The following PRKN variants were observed in gnomAD, a reference collection of about 807,000 sequenced individuals.
The protein encoded by PRKN is parkin RBR E3 ubiquitin protein ligase, also known as E3 ubiquitin-protein ligase parkin.
Under a neutral mutation model 59.5 loss-of-function variants are expected in PRKN, and 56 were observed. The observed-to-expected ratio is 0.94, with a 90% confidence interval of 0.76 to 1.18. The LOEUF (loss-of-function observed/expected upper bound fraction) is 1.18, where lower values mean the gene tolerates loss of function less well. Ranked by LOEUF, PRKN falls within the 50% of genes most tolerant of loss-of-function variation. The probability of loss-of-function intolerance (pLI) is 0.00; values close to 1 mark genes in which losing one functional copy is unlikely to be tolerated. For missense variants in PRKN, 657 were observed against 596.4 expected, an observed-to-expected ratio of 1.10 and a Z score of -1.06; for synonymous variants, 250 against 222.1, an observed-to-expected ratio of 1.13 and a Z score of -1.12.
chr6:161,736,532 C>G (rs1445532652), intron 7 of PRKN, among the ~76,000 whole-genome samples: 1 of 152,150 alleles, frequency 6.6e-6, no homozygotes, highest in Non-Finnish European at 1.5e-5. Flanking sequence ...ACTCCCTCCC[C>G]TTACCGGGGG....
intron 1 of PRKN, among the ~76,000 whole-genome samples, chr6:162,694,283 A>G (rs1487826245): frequency 1.3e-5 from 2 of 151,544 alleles, no homozygotes; most frequent in African/African-American, 4.9e-5. Flanking sequence ...GCTGGTAGAC[A>G]TTTCTGTCAA....
intron 4 of PRKN, among the ~76,000 whole-genome samples, chr6:162,132,730 G>T (rs564844009): frequency 6.6e-6 from 1 of 152,250 alleles, no homozygotes; most frequent in South Asian, 2.1e-4. Context: ...AACAGGGCCA[G>T]GACTCCAGGG....
intron 2 of PRKN, among the ~76,000 whole-genome samples, chr6:162,391,130 G>C (rs1224587434): frequency 6.6e-6 from 1 of 152,194 alleles, no homozygotes; most frequent in East Asian, 1.9e-4. Flanking sequence ...CTTATTTCAA[G>C]TGCATCTCGA....
chr6:162,289,514 T>A (rs1416718285), intron 2 of PRKN, among the ~76,000 whole-genome samples: 1 of 151,446 alleles, frequency 6.6e-6, no homozygotes, highest in Non-Finnish European at 1.5e-5. Context: ...ATGGCCAACA[T>A]GATGAAAACC....
intron 4 of PRKN, among the ~76,000 whole-genome samples, chr6:162,101,672 T>G (rs576491250): frequency 6.9e-6 from 1 of 144,394 alleles, no homozygotes; most frequent in East Asian, 2.0e-4. Flanking sequence ...ACTCCGTCTC[T>G]AAAAAAAAAA....
intron 4 of PRKN, among the ~76,000 whole-genome samples, chr6:162,147,344 GAAAAAAAAAA>G (rs767653516): frequency 4.8e-5 from 2 of 42,060 alleles, no homozygotes; most frequent in Non-Finnish European, 1.0e-4. Flanking sequence ...CTCTGTCTCA[GAAAAAAAAAA>G]AAAAAAAAAA....
intron 2 of PRKN, among the ~76,000 whole-genome samples, chr6:162,419,817 A>AAG (rs1055127633): frequency 6.6e-6 from 1 of 151,794 alleles, no homozygotes; most frequent in African/African-American, 2.4e-5. Flanking sequence ...GAGAAAGAGA[A>AAG]AGAGAGAGAG....
intron 2 of PRKN, among the ~76,000 whole-genome samples, chr6:162,289,882 A>C (rs183781042): frequency 3.2e-4 from 48 of 152,266 alleles, no homozygotes; most frequent in African/African-American, 1.1e-3. Context: ...AGAAAGGGAA[A>C]GGAAGAACCT....
intron 1 of PRKN, among the ~76,000 whole-genome samples, chr6:162,455,757 T>C (rs1196470767): frequency 2.6e-5 from 4 of 152,120 alleles, no homozygotes; most frequent in Non-Finnish European, 5.9e-5. Flanking sequence ...AAGGTTTTGA[T>C]TTAAAAAATG....
intron 5 of PRKN, among the ~76,000 whole-genome samples, chr6:162,003,207 CA>C (rs60792069): frequency 0.23 from 29,341 of 124,992 alleles, 2,688 homozygotes; most frequent in Middle Eastern, 0.36. Context: ...AGGTTGTTGA[CA>C]AAAAAAAAAA....
intron 7 of PRKN, among the ~76,000 whole-genome samples, chr6:161,706,540 G>A (rs1216398047): frequency 9.2e-5 from 14 of 152,144 alleles, no homozygotes; most frequent in Admixed American, 7.9e-4. Context: ...ATCGATAAAC[G>A]AAAGACAAGG....
intron 4 of PRKN, among the ~76,000 whole-genome samples, chr6:162,107,736 G>A (rs1026479471): frequency 6.6e-6 from 1 of 152,146 alleles, no homozygotes; most frequent in African/African-American, 2.4e-5. Flanking sequence ...GCATAGTTGT[G>A]TATGAAGTTA....
At chr6:162,456,857 A>G (rs74475107) in intron 1 of PRKN, among the ~76,000 whole-genome samples, 11,530 of 152,172 alleles carry the variant, frequency 0.076, 593 homozygotes, top group Middle Eastern at 0.12. Context: ...TATAATGTGT[A>G]TTTCTCCACA....
intron 3 of PRKN, among the ~76,000 whole-genome samples, chr6:162,219,485 GT>G (rs1777841291): frequency 6.6e-6 from 1 of 151,978 alleles, no homozygotes; most frequent in Admixed American, 6.6e-5. Context: ...ACTATATCTT[GT>G]TTCTGCCAGA....
At chr6:162,672,088 A>G (rs969083877) in intron 1 of PRKN, among the ~76,000 whole-genome samples, 19 of 152,202 alleles carry the variant, frequency 1.2e-4, no homozygotes, top group Non-Finnish European at 1.0e-4. Flanking sequence ...TTAATGTGGT[A>G]GAGACTCCAG....
At chr6:162,089,827 T>C (rs939697996) in intron 4 of PRKN, among the ~76,000 whole-genome samples, 11 of 152,096 alleles carry the variant, frequency 7.2e-5, no homozygotes, top group Admixed American at 6.5e-4. Context: ...ATCTCCCAAT[T>C]AGGCAAATTC....
chr6:161,662,550 C>T (rs1420500260), intron 7 of PRKN, among the ~76,000 whole-genome samples: 2 of 151,846 alleles, frequency 1.3e-5, no homozygotes, highest in East Asian at 1.9e-4. Flanking sequence ...CTAAGGGTTG[C>T]CTGGTGAATG....
At chr6:162,216,354 C>G (rs1235267726) in intron 3 of PRKN, among the ~76,000 whole-genome samples, 1 of 150,968 alleles carries the variant, frequency 6.6e-6, no homozygotes, top group Non-Finnish European at 1.5e-5. Context: ...CAAGGTGAAA[C>G]CCCGTCTCTA....
intron 6 of PRKN, among the ~76,000 whole-genome samples, chr6:161,879,683 C>G (rs1464141055): frequency 6.6e-6 from 1 of 152,064 alleles, no homozygotes; most frequent in Non-Finnish European, 1.5e-5. Flanking sequence ...GGAGTAGTGT[C>G]AAAGGGTTTA....
Sources: allele counts gnomAD v4.1 joint callset (sites outside exome capture counted in the v4.1 genomes callset), GRCh38; gene constraint gnomAD v4.1.1; transcripts MANE v1.5; gene names NCBI Gene and HGNC (gene_info 2026-07-23, HGNC 2026-07-21).